SYN3: variants seen among roughly 807,000 people sequenced by gnomAD.
SYN3 encodes the protein synapsin III.
In SYN3, 35 loss-of-function variants were observed where a neutral mutation model predicts 65.8. That is an observed-to-expected ratio of 0.53 (90% confidence interval 0.41 to 0.70). SYN3 has a LOEUF of 0.70. Ranked by LOEUF, SYN3 falls within the 30% of genes least tolerant of loss-of-function variation. The pLI is 0.00. For synonymous variants in SYN3, 270 were observed against 292.9 expected (o/e 0.92, Z 0.80); for missense variants, 680 against 749.0 (o/e 0.91, Z 1.08).
At chr22:32,778,399 C>T (rs1044861748) in intron 6 of SYN3, among the ~76,000 whole-genome samples, 4 of 152,182 alleles carry the variant, frequency 2.6e-5, no homozygotes, top group Non-Finnish European at 5.9e-5. Context: ...AGCAATTCTC[C>T]TGCCTAAGCC....
At chr22:32,709,425 G>T (rs1003288735) in intron 6 of SYN3, among the ~76,000 whole-genome samples, 1 of 152,206 alleles carries the variant, frequency 6.6e-6, no homozygotes, top group African/African-American at 2.4e-5. Context: ...AACCCAAGTG[G>T]ATCAGTTGGA....
chr22:32,789,572 TC>T (rs1231718660), intron 6 of SYN3, among the ~76,000 whole-genome samples: 5 of 152,340 alleles, frequency 3.3e-5, no homozygotes, highest in South Asian at 2.1e-4. Flanking sequence ...AACACAATGT[TC>T]CAGCAATGCT....
At chr22:32,721,549 G>T (rs1409541309) in intron 6 of SYN3, among the ~76,000 whole-genome samples, 2 of 152,152 alleles carry the variant, frequency 1.3e-5, no homozygotes, top group Non-Finnish European at 2.9e-5. Flanking sequence ...TTTTATCAAT[G>T]GGCAAATTGA....
chr22:33,019,782 G>A (rs781428538), intron 1 of SYN3, among the ~76,000 whole-genome samples: 12 of 152,044 alleles, frequency 7.9e-5, no homozygotes, highest in Non-Finnish European at 1.6e-4. Flanking sequence ...ACCACCCCCA[G>A]CTAATGTTTG....
At chr22:32,960,006 T>G (rs1314654768) in intron 3 of SYN3, among the ~76,000 whole-genome samples, 2 of 152,254 alleles carry the variant, frequency 1.3e-5, no homozygotes, top group African/African-American at 4.8e-5. Flanking sequence ...TACATAAAAT[T>G]TAATTGGAAA....
intron 3 of SYN3, among the ~76,000 whole-genome samples, chr22:32,966,296 T>G (rs949254603): frequency 2.0e-5 from 3 of 151,926 alleles, no homozygotes; most frequent in African/African-American, 7.3e-5. Flanking sequence ...TATGGCAAAA[T>G]CTAAGAAAGG....
At chr22:32,516,100 G>C (rs1275770665) in intron 13 of SYN3, among the ~76,000 whole-genome samples, 1 of 151,926 alleles carries the variant, frequency 6.6e-6, no homozygotes, top group Non-Finnish European at 1.5e-5. Flanking sequence ...ATCCAGCCCA[G>C]GATTTATTAT....
chr22:32,650,169 C>G lies in SYN3; in HGVS notation c.712-53433G>C, dbSNP rs562759913. ...ATGACAACGGCCAGCATTCATTGAG[C>G]ATGTACTAATTGCCAGACACTATTC... On this transcript the variant is annotated intron_variant, in intron 6 of 13. Transcript: ENST00000358763. Among the ~76,000 whole-genome samples, 4 of 151,864 alleles carry G rather than the reference C, an allele frequency of 2.6e-5. No homozygotes were observed. In the South Asian group the frequency reaches 8.3e-4, roughly 32 times the overall value.
intron 6 of SYN3, among the ~76,000 whole-genome samples, chr22:32,682,293 A>G (rs1276508915): frequency 1.3e-5 from 2 of 152,212 alleles, no homozygotes; most frequent in East Asian, 3.8e-4. Flanking sequence ...TCCAAATATC[A>G]ATCGTGTAGA....
At chr22:32,707,666 G>A (rs1265529650) in intron 6 of SYN3, among the ~76,000 whole-genome samples, 1 of 141,636 alleles carries the variant, frequency 7.1e-6, no homozygotes, top group Non-Finnish European at 1.5e-5. Context: ...GGGAGTAACT[G>A]GCATGAAATG....
intron 3 of SYN3, among the ~76,000 whole-genome samples, chr22:32,941,779 A>C (rs1034654341): frequency 2.0e-5 from 3 of 152,242 alleles, no homozygotes; most frequent in Non-Finnish European, 2.9e-5. Flanking sequence ...GGGTCTTAGC[A>C]AACAGTACAC....
intron 6 of SYN3, among the ~76,000 whole-genome samples, chr22:32,611,745 C>T (rs921252946): frequency 1.3e-5 from 2 of 152,162 alleles, no homozygotes; most frequent in African/African-American, 2.4e-5. Flanking sequence ...TGCATTTAGT[C>T]TGTGCTTCCA....
rs2060496807 is a variant in SYN3, at chr22:32,679,832, T to G, written c.712-83096A>C. ...CACTTTAAAACTGGGTGAGGTTTGT[T>G]TTTTGGCTTTTTTTTTTTTTTTTTT... On this transcript the variant is annotated intron_variant, in intron 6 of 13. Coordinates refer to ENST00000358763, the MANE Select transcript of SYN3 (RefSeq NM_003490.4). Among the ~76,000 whole-genome samples, 3 of 120,646 alleles carry G rather than the reference T, an allele frequency of 2.5e-5. No homozygotes were observed. In the East Asian group the frequency reaches 8.1e-4, roughly 32 times the overall value. The allele number at this position is 120,646 out of a possible 152,430, so 79.1% of individuals were successfully genotyped here.
At chr22:32,869,346 C>CTCTCTCTCTCTCTT (rs758549623) in intron 4 of SYN3, among the ~76,000 whole-genome samples, 3 of 79,758 alleles carry the variant, frequency 3.8e-5, no homozygotes, top group Non-Finnish European at 8.4e-5. Flanking sequence ...CTCTCTCTCT[C>CTCTCTCTCTCTCTT]TCTCTCTCTC....
intron 1 of SYN3, among the ~76,000 whole-genome samples, chr22:33,028,901 G>T (rs771771895): frequency 1.3e-5 from 2 of 152,070 alleles, no homozygotes; most frequent in Admixed American, 6.5e-5. Context: ...CTAGCCGGGC[G>T]TGGTGGCGGG....
intron 6 of SYN3, among the ~76,000 whole-genome samples, chr22:32,755,207 G>A (rs543327441): frequency 1.3e-5 from 2 of 152,314 alleles, no homozygotes; most frequent in South Asian, 2.1e-4. Flanking sequence ...AATGAGGTAG[G>A]ACTATGATAA....
In SYN3 at chr22:32,546,983, T is replaced by C. The variant is rs543893455; in HGVS notation, c.775-5270A>G. ...GCCTTCTCTCTTACTCTGTTTTGTTTTTTTGTTGATGTTGAGACAGAGTCT... is the reference window on the plus strand; with the variant it reads ...GCCTTCTCTCTTACTCTGTTTTGTTCTTTTGTTGATGTTGAGACAGAGTCT... On this transcript the variant is annotated intron_variant, in intron 7 of 13. Transcript: ENST00000358763. Among the ~76,000 whole-genome samples the C allele has an allele frequency of 7.0e-4, 107 of 152,124 alleles. 1 individual carries two copies. The highest frequency in any genetic ancestry group is 2.6e-3 in the African/African-American group (106 of 41,518).
intron 4 of SYN3, among the ~76,000 whole-genome samples, chr22:32,910,809 G>A (rs879941713): frequency 6.6e-6 from 1 of 152,172 alleles, no homozygotes; most frequent in Admixed American, 6.5e-5. Context: ...ACAGTGGCAG[G>A]TACATAGTAA....
intron 6 of SYN3, among the ~76,000 whole-genome samples, chr22:32,737,178 A>G (rs1406299461): frequency 6.6e-6 from 1 of 152,212 alleles, no homozygotes; most frequent in Non-Finnish European, 1.5e-5. Flanking sequence ...AGTCTTATAG[A>G]CTGTCATATT....
Sources: allele counts gnomAD v4.1 joint callset (sites outside exome capture counted in the v4.1 genomes callset), GRCh38; gene constraint gnomAD v4.1.1; transcripts MANE v1.5; gene names NCBI Gene and HGNC (gene_info 2026-07-23, HGNC 2026-07-21).